Variants in GRID2 observed in about 807,000 individuals in gnomAD.
The protein encoded by GRID2 is glutamate receptor ionotropic, delta-2.
GRID2 carries 33 observed loss-of-function variants against 114.8 expected under a neutral mutation model. The ratio of observed to expected loss-of-function variants is 0.29; its 90% confidence interval spans 0.22 to 0.38. The LOEUF (loss-of-function observed/expected upper bound fraction) is 0.38. Ranked by LOEUF, GRID2 falls within the 10% of genes least tolerant of loss-of-function variation. The pLI is 1.00. For synonymous variants in GRID2, 505 were observed against 449.9 expected, an observed-to-expected ratio of 1.12 and a Z score of -1.55; for missense variants, 1,184 against 1,257.7, an observed-to-expected ratio of 0.94 and a Z score of 0.89.
intron 2 of GRID2, among the ~76,000 whole-genome samples, chr4:92,753,451 A>G (rs1737552319): frequency 6.6e-6 from 1 of 152,204 alleles, no homozygotes; most frequent in Non-Finnish European, 1.5e-5. Flanking sequence ...GTTAATGTGC[A>G]TAAGCAATGT....
chr4:93,116,406 T>C (rs1733263192), intron 4 of GRID2, among the ~76,000 whole-genome samples: 2 of 152,200 alleles, frequency 1.3e-5, no homozygotes, highest in South Asian at 4.1e-4. Context: ...TCACTATAAA[T>C]ATTGTTCACT....
intron 1 of GRID2, among the ~76,000 whole-genome samples, chr4:92,418,396 G>A (rs948536253): frequency 6.6e-6 from 1 of 152,030 alleles, no homozygotes; most frequent in African/African-American, 2.4e-5. Context: ...AACACCAAGC[G>A]TCAAGACAAG....
intron 9 of GRID2, among the ~76,000 whole-genome samples, chr4:93,405,382 T>C (rs918894653): frequency 7.9e-5 from 12 of 152,156 alleles, no homozygotes; most frequent in African/African-American, 2.9e-4. Context: ...ATTCTTGAAA[T>C]GATAGCTGTT....
At chr4:92,418,789 G>A (rs1731747601) in intron 1 of GRID2, among the ~76,000 whole-genome samples, 1 of 152,044 alleles carries the variant, frequency 6.6e-6, no homozygotes, top group African/African-American at 2.4e-5. Context: ...GACATGTTTA[G>A]TAGGTCCTGT....
intron 12 of GRID2, among the ~76,000 whole-genome samples, chr4:93,504,686 T>C (rs1020766880): frequency 1.3e-5 from 2 of 152,086 alleles, no homozygotes; most frequent in African/African-American, 4.8e-5. Context: ...CATTAGTGTT[T>C]ATTTTTAAAA....
intron 10 of GRID2, among the ~76,000 whole-genome samples, chr4:93,455,246 C>T (rs1023007399): frequency 9.9e-5 from 15 of 152,074 alleles, no homozygotes; most frequent in Non-Finnish European, 1.9e-4. Context: ...AAATAGCCCA[C>T]CTAGTAATTT....
intron 4 of GRID2, among the ~76,000 whole-genome samples, chr4:93,184,496 A>G (rs1261540237): frequency 1.4e-5 from 2 of 140,940 alleles, no homozygotes; most frequent in African/African-American, 5.7e-5. Flanking sequence ...CACTTTAGCC[A>G]TATTATTTCT....
intron 1 of GRID2, among the ~76,000 whole-genome samples, chr4:92,379,331 A>G (rs1172820053): frequency 2.0e-5 from 3 of 151,972 alleles, no homozygotes; most frequent in Non-Finnish European, 4.4e-5. Flanking sequence ...TTTTGTTGCC[A>G]TGAGTTTGGG....
At chr4:92,853,739 A>G (rs1173222173) in intron 2 of GRID2, among the ~76,000 whole-genome samples, 1 of 152,012 alleles carries the variant, frequency 6.6e-6, no homozygotes, top group Admixed American at 6.6e-5. Flanking sequence ...GTGAATTTGG[A>G]AAAGAAAACC....
At chr4:92,989,292 A>T (rs1013314438) in intron 2 of GRID2, among the ~76,000 whole-genome samples, 8 of 146,542 alleles carry the variant, frequency 5.5e-5, no homozygotes, top group Non-Finnish European at 1.2e-4. Flanking sequence ...AAAAAAAAAA[A>T]AAAAAAAAAA....
intron 10 of GRID2, among the ~76,000 whole-genome samples, chr4:93,431,523 A>G (rs1769406317): frequency 6.6e-6 from 1 of 152,222 alleles, no homozygotes; most frequent in South Asian, 2.1e-4. Context: ...AATGTTCACT[A>G]GATTGGCCAT....
intron 13 of GRID2, among the ~76,000 whole-genome samples, chr4:93,548,018 A>G (rs1004224112): frequency 6.6e-6 from 1 of 152,024 alleles, no homozygotes; most frequent in African/African-American, 2.4e-5. Context: ...CTCTACTAAA[A>G]ATACAAAAAT....
At chr4:93,012,093 A>AT (rs1722234753) in intron 2 of GRID2, among the ~76,000 whole-genome samples, 1 of 151,602 alleles carries the variant, frequency 6.6e-6, no homozygotes, top group Non-Finnish European at 1.5e-5. Flanking sequence ...AAAAAAAAAA[A>AT]AAAAACATGT....
At chr4:93,117,674 G>C (rs1733403825) in intron 4 of GRID2, among the ~76,000 whole-genome samples, 1 of 151,990 alleles carries the variant, frequency 6.6e-6, no homozygotes, top group East Asian at 1.9e-4. Flanking sequence ...GCTTTCATCA[G>C]TGATTTCCCT....
chr4:93,155,827 C>T (rs567620677), intron 4 of GRID2, among the ~76,000 whole-genome samples: 45 of 150,076 alleles, frequency 3.0e-4, no homozygotes, highest in South Asian at 2.1e-4. Flanking sequence ...GGAAGGGTAG[C>T]GAGGGCATGG....
chr4:92,722,820 C>G (rs180855281), intron 2 of GRID2, among the ~76,000 whole-genome samples: 1 of 151,974 alleles, frequency 6.6e-6, no homozygotes, highest in African/African-American at 2.4e-5. Context: ...GATCCAATAC[C>G]CTTTCCCAAT....
At chr4:92,982,343 C>A (rs966040971) in intron 2 of GRID2, among the ~76,000 whole-genome samples, 22 of 151,936 alleles carry the variant, frequency 1.4e-4, no homozygotes, top group Admixed American at 2.6e-4. Flanking sequence ...ATGTAAATTT[C>A]TTTTAATCAT....
chr4:93,359,335 T>C (rs1365049770), intron 8 of GRID2, among the ~76,000 whole-genome samples: 3 of 151,962 alleles, frequency 2.0e-5, no homozygotes, highest in African/African-American at 7.2e-5. Context: ...ATGGGGTACA[T>C]GAGATGTTTT....
intron 2 of GRID2, among the ~76,000 whole-genome samples, chr4:92,815,270 C>T (rs1221565982): frequency 6.6e-6 from 1 of 152,004 alleles, no homozygotes; most frequent in East Asian, 1.9e-4. Flanking sequence ...TACATAAGTG[C>T]ACATTATTGT....
Sources: gnomAD v4.1 joint callset for allele counts (sites outside exome capture counted in the v4.1 genomes callset) on GRCh38, gnomAD v4.1.1 for gene constraint, MANE v1.5 for transcripts, NCBI Gene and HGNC (gene_info 2026-07-23, HGNC 2026-07-21) for gene names.